The following TMEM266 variants were observed in gnomAD, a reference collection of about 807,000 sequenced individuals.
TMEM266 encodes transmembrane protein 266.
In TMEM266, 33 loss-of-function variants were observed where a neutral mutation model predicts 50.5. The ratio of observed to expected loss-of-function variants is 0.65; its 90% CI spans 0.50 to 0.87. The LOEUF (loss-of-function observed/expected upper bound fraction) is 0.87, where lower values mean the gene tolerates loss of function less well. Ranked by LOEUF, TMEM266 falls within the 40% of genes least tolerant of loss-of-function variation. TMEM266 has a pLI of 0.00. For synonymous variants in TMEM266, 310 were observed against 292.3 expected, an observed-to-expected ratio of 1.06 and a Z score of -0.62; for missense variants, 655 against 695.1, an observed-to-expected ratio of 0.94 and a Z score of 0.65.
At chr15:76,193,414 C>G (rs1280184319) in intron 9 of TMEM266, among the ~76,000 whole-genome samples, 1 of 152,116 alleles carries the variant, frequency 6.6e-6, no homozygotes. Flanking sequence ...GAGGTGGGGT[C>G]TTGCTATGTT....
chr15:76,191,938 T>C (rs1276381048), intron 8 of TMEM266, 30 bp from the exon 9 acceptor site: 1 of 1,543,960 alleles, frequency 6.5e-7, no homozygotes, highest in Non-Finnish European at 8.7e-7. Context: ...CCCTCGCCGC[T>C]GATTCAGCCT....
At chr15:76,141,380 C>T (rs185188357) in intron 3 of TMEM266, among the ~76,000 whole-genome samples, 34 of 151,962 alleles carry the variant, frequency 2.2e-4, no homozygotes, top group East Asian at 5.8e-4. Context: ...GGATTACAGA[C>T]GCGTGCAATC....
Position 76,127,954 on chromosome 15 carries a change from T to C in TMEM266, c.-96-6214T>C, listed in dbSNP as rs1004109982. 1.4e-4 allele frequency among the ~76,000 whole-genome samples: 21 copies of C among 152,262 alleles called. No individual in the cohort carries two copies. The East Asian group carries it at 3.7e-3, about 27-fold the overall frequency. On this transcript the variant is annotated intron_variant, in intron 1 of 10. Coordinates refer to ENST00000388942, the MANE Select transcript of TMEM266 (RefSeq NM_152335.3). ...AATTTCATGGGCGGAGCCAGCAAGCTGGGTTTTAATAAGCCCTTTAGGTGA... is the reference window on the plus strand; with the variant it reads ...AATTTCATGGGCGGAGCCAGCAAGCCGGGTTTTAATAAGCCCTTTAGGTGA...
chr15:76,195,854 G>A (rs2038647018), intron 9 of TMEM266, among the ~76,000 whole-genome samples: 1 of 152,210 alleles, frequency 6.6e-6, no homozygotes, highest in South Asian at 2.1e-4. Flanking sequence ...CCAAGATCTG[G>A]GCTTGGAGGT....
intron 1 of TMEM266, among the ~76,000 whole-genome samples, chr15:76,102,832 C>A (rs1376326667): frequency 7.7e-6 from 1 of 130,188 alleles, no homozygotes; most frequent in Non-Finnish European, 1.6e-5. Flanking sequence ...GAGTGAGACC[C>A]TTATCTCCAA....
At chr15:76,109,601 C>T (rs1339121819) in intron 1 of TMEM266, among the ~76,000 whole-genome samples, 3 of 152,146 alleles carry the variant, frequency 2.0e-5, no homozygotes, top group African/African-American at 4.8e-5. Flanking sequence ...GTGTGAGGCT[C>T]CATGAGCCAT....
chr15:76,088,666 A>G (rs956267674), intron 1 of TMEM266, among the ~76,000 whole-genome samples: 1 of 151,978 alleles, frequency 6.6e-6, no homozygotes, highest in Admixed American at 6.6e-5. Flanking sequence ...GCGTGGTGGC[A>G]GGCGCCTGTA....
intron 2 of TMEM266, among the ~76,000 whole-genome samples, chr15:76,135,451 C>T (rs184775793): frequency 5.3e-5 from 8 of 152,328 alleles, no homozygotes; most frequent in Admixed American, 3.9e-4. Context: ...AGTTTGTTCG[C>T]ACTTCTTAGA....
chr15:76,156,899 A>G (rs1481412679), intron 4 of TMEM266, 141 bp downstream of exon 4: 2 of 842,748 alleles, frequency 2.4e-6, no homozygotes, highest in Non-Finnish European at 1.8e-6. Flanking sequence ...CCTGGGGCTC[A>G]TGGGGATGGC....
chr15:76,104,675 T>G (rs2037055455), intron 1 of TMEM266, among the ~76,000 whole-genome samples: 1 of 152,110 alleles, frequency 6.6e-6, no homozygotes, highest in Non-Finnish European at 1.5e-5. Context: ...TGCTCGTGAT[T>G]GCTCGATTTC....
Position 76,192,297 on chromosome 15 carries a change from C to T in TMEM266, c.958+140C>T, listed in dbSNP as rs1045548769. The T allele has an allele frequency of 6.3e-6, 5 of 798,316 alleles. No individual in the cohort carries two copies. The South Asian group carries it at 1.3e-4, about 20-fold the overall frequency. The allele number at this position is 798,316 out of a possible 1,614,324, so 49.5% of individuals were successfully genotyped here. A position where few individuals can be genotyped will look rare whatever the true frequency, so the allele number is the denominator to read the frequency against. ...CCCTCCTTCACTCGTGATTGGGGGA[C>T]ACGCTCAGATCAGTAGCCTCGGTAC... On this transcript the variant is annotated intron_variant, in intron 9 of 10. Coordinates refer to ENST00000388942, the MANE Select transcript of TMEM266 (RefSeq NM_152335.3).
chr15:76,197,875 C>G (rs914038919), intron 9 of TMEM266, among the ~76,000 whole-genome samples: 1 of 152,266 alleles, frequency 6.6e-6, no homozygotes, highest in Non-Finnish European at 1.5e-5. Flanking sequence ...ACCTCTGCCT[C>G]CTTGCTGGGC....
chr15:76,202,396 A>G (rs2038762829), intron 10 of TMEM266, 132 bp downstream of exon 10: 2 of 787,958 alleles, frequency 2.5e-6, no homozygotes, highest in South Asian at 2.1e-5. Flanking sequence ...GCAGTGCTCA[A>G]GGTTAAAATA....
intron 1 of TMEM266, among the ~76,000 whole-genome samples, chr15:76,121,756 A>G (rs936858958): frequency 6.6e-6 from 1 of 152,306 alleles, no homozygotes; most frequent in East Asian, 1.9e-4. Context: ...AAGGAAGGAG[A>G]TTGTGCCTGC....
chr15:76,200,190 TCCACTTCCTTAGAGGTGTG>T (rs1226052325), intron 9 of TMEM266, among the ~76,000 whole-genome samples: 1 of 152,108 alleles, frequency 6.6e-6, no homozygotes, highest in Non-Finnish European at 1.5e-5. Flanking sequence ...CCAGAGCTGC[TCCACTTCCTTAGAGGTGTG>T]CAGGCTGTGG....
chr15:76,116,510 C>A (rs1228103623), intron 1 of TMEM266, among the ~76,000 whole-genome samples: 2 of 152,134 alleles, frequency 1.3e-5, no homozygotes, highest in African/African-American at 4.8e-5. Context: ...TCACTCCCCT[C>A]CCTCTCCTCA....
chr15:76,062,896 GA>G (rs2141978504), intron 1 of TMEM266, among the ~76,000 whole-genome samples: 1 of 152,288 alleles, frequency 6.6e-6, no homozygotes, highest in African/African-American at 2.4e-5. Context: ...GAGAGTGGGG[GA>G]AAAGTTTTCC....
At chr15:76,083,877 T>C (rs551724779) in intron 1 of TMEM266, among the ~76,000 whole-genome samples, 11 of 152,132 alleles carry the variant, frequency 7.2e-5, no homozygotes, top group Middle Eastern at 3.4e-3. Flanking sequence ...CAAAAGTTGG[T>C]CAGGTAGAGA....
At chr15:76,131,564 G>A (rs1048923308) in intron 1 of TMEM266, among the ~76,000 whole-genome samples, 1 of 152,224 alleles carries the variant, frequency 6.6e-6, no homozygotes, top group East Asian at 1.9e-4. Context: ...TTTATAAAGA[G>A]AACATAAAAA....
Sources: gnomAD v4.1 joint callset for allele counts (sites outside exome capture counted in the v4.1 genomes callset) on GRCh38, gnomAD v4.1.1 for gene constraint, MANE v1.5 for transcripts, NCBI Gene and HGNC (gene_info 2026-07-23, HGNC 2026-07-21) for gene names.